Variants in SIPA1L2 observed in about 807,000 individuals in gnomAD.
SIPA1L2 encodes the protein signal-induced proliferation-associated 1-like protein 2.
SIPA1L2 carries 56 observed loss-of-function variants against 163.9 expected under a neutral mutation model. That is an observed-to-expected ratio of 0.34 (90% confidence interval 0.28 to 0.43). The LOEUF is 0.43. Ranked by LOEUF, SIPA1L2 falls within the 20% of genes least tolerant of loss-of-function variation. The pLI is 1.00. For synonymous variants in SIPA1L2, 877 were observed against 865.7 expected, an observed-to-expected ratio of 1.01 and a Z score of -0.23; for missense variants, 1,974 against 2,193.5, an observed-to-expected ratio of 0.90 and a Z score of 2.00.
intron 3 of SIPA1L2, among the ~76,000 whole-genome samples, chr1:232,510,828 C>T (rs1666946736): frequency 6.6e-6 from 1 of 152,058 alleles, no homozygotes; most frequent in Admixed American, 6.6e-5. Flanking sequence ...ACATGTGCAA[C>T]AGCATATGAA....
At chr1:232,446,452 C>G (rs1663223702) in intron 10 of SIPA1L2, among the ~76,000 whole-genome samples, 1 of 152,108 alleles carries the variant, frequency 6.6e-6, no homozygotes, top group Admixed American at 6.5e-5. Context: ...ACACATGGGC[C>G]AAAACTCATC....
chr1:232,448,123 T>C (rs72759318), intron 10 of SIPA1L2, among the ~76,000 whole-genome samples: 2 of 152,316 alleles, frequency 1.3e-5, no homozygotes, highest in African/African-American at 2.4e-5. Flanking sequence ...CTCAAGCGAT[T>C]ACTCAGGTAC....
At chr1:232,483,431 C>G (rs992096661) in intron 6 of SIPA1L2, among the ~76,000 whole-genome samples, 1 of 152,048 alleles carries the variant, frequency 6.6e-6, no homozygotes, top group African/African-American at 2.4e-5. Flanking sequence ...AATATTTTGT[C>G]TCTTAGAAAT....
intron 2 of SIPA1L2, among the ~76,000 whole-genome samples, chr1:232,549,688 A>C (rs530427708): frequency 6.6e-6 from 1 of 152,288 alleles, no homozygotes; most frequent in African/African-American, 2.4e-5. Flanking sequence ...GAGGAGAGGA[A>C]TCTGAGGCAC....
intron 1 of SIPA1L2, among the ~76,000 whole-genome samples, chr1:232,622,353 GC>G (rs1409088988): frequency 6.6e-6 from 1 of 152,206 alleles, no homozygotes; most frequent in African/African-American, 2.4e-5. Flanking sequence ...AACAAAAGAT[GC>G]ACTATACAAT....
In SIPA1L2 at chr1:232,483,890, T is replaced by G; in HGVS notation, c.1883A>C (p.Glu628Ala). The G allele has an allele frequency of 6.2e-7, 1 of 1,614,116 alleles. No individual in the cohort carries two copies. Among genetic ancestry groups the G allele is most frequent in the Non-Finnish European group, 8.5e-7 (1 of 1,179,970 alleles). The change falls in exon 6 of 23, where the codon GAG becomes GCG. Residue 628 changes from glutamate (E) to alanine (A), a missense_variant. By Grantham distance (107) the Glu-to-Ala change is moderately radical. This residue lies in a region of SIPA1L2 where 288 missense variants were observed against 418.9 expected (regional missense o/e 0.69). Coordinates refer to ENST00000674635, the MANE Select transcript of SIPA1L2 (RefSeq NM_020808.5). The stretch of plus-strand genomic sequence containing the variant: ...TTCTTCAAAAGCTGGTCCCGCCGTC[T>G]CATTGTTATACATCTCTTCCTCTGT... ...QSTEEEMYNN[E>A]TAGPAFEEFL...
intron 18 of SIPA1L2, among the ~76,000 whole-genome samples, chr1:232,424,076 T>C (rs1661734701): frequency 6.6e-6 from 1 of 152,038 alleles, no homozygotes; most frequent in Non-Finnish European, 1.5e-5. Flanking sequence ...ATCTTACACA[T>C]TTTAGAAACA....
intron 1 of SIPA1L2, among the ~76,000 whole-genome samples, chr1:232,596,766 G>C (rs1661274433): frequency 6.6e-6 from 1 of 152,198 alleles, no homozygotes; most frequent in Non-Finnish European, 1.5e-5. Flanking sequence ...AAGCCTGTTA[G>C]TGAGAAGTGC....
At chr1:232,417,376 A>G (rs1481149165) in intron 18 of SIPA1L2, among the ~76,000 whole-genome samples, 1 of 152,148 alleles carries the variant, frequency 6.6e-6, no homozygotes. Flanking sequence ...AGTAATGGAT[A>G]TATTGTCCAC....
chr1:232,601,913 T>C (rs1292757668), intron 1 of SIPA1L2, among the ~76,000 whole-genome samples: 1 of 152,230 alleles, frequency 6.6e-6, no homozygotes, highest in Non-Finnish European at 1.5e-5. Flanking sequence ...AAACATACTA[T>C]TATTTATGAT....
At chr1:232,474,796 T>C (rs1041922165) in intron 7 of SIPA1L2, among the ~76,000 whole-genome samples, 1 of 150,624 alleles carries the variant, frequency 6.6e-6, no homozygotes, top group Admixed American at 6.6e-5. Flanking sequence ...AAAAGCAAAC[T>C]GAGAAGAAAA....
intron 7 of SIPA1L2, among the ~76,000 whole-genome samples, chr1:232,476,411 A>G (rs1176786993): frequency 6.6e-6 from 1 of 152,194 alleles, no homozygotes; most frequent in Non-Finnish European, 1.5e-5. Context: ...TGTGCCAGGC[A>G]CTGAGGCACC....
intron 10 of SIPA1L2, among the ~76,000 whole-genome samples, chr1:232,460,446 A>G (rs1664171113): frequency 6.6e-6 from 1 of 152,174 alleles, no homozygotes; most frequent in Non-Finnish European, 1.5e-5. Flanking sequence ...CATACCTACA[A>G]CTATTGGTCT....
chr1:232,457,244 A>C (rs1310142358), intron 10 of SIPA1L2, among the ~76,000 whole-genome samples: 1 of 152,220 alleles, frequency 6.6e-6, no homozygotes, highest in Non-Finnish European at 1.5e-5. Flanking sequence ...GGACAAGAAA[A>C]ACTGTCTATT....
chr1:232,510,186 C>T (rs532075803), intron 3 of SIPA1L2, among the ~76,000 whole-genome samples: 1 of 152,014 alleles, frequency 6.6e-6, no homozygotes, highest in East Asian at 1.9e-4. Context: ...GGGGAAATGT[C>T]TGATATTCAG....
At chr1:232,493,757 T>A in intron 3 of SIPA1L2, 97 bp from the exon 4 acceptor site, 1 of 1,461,338 alleles carries the variant, frequency 6.8e-7, no homozygotes, top group Admixed American at 1.8e-5. Context: ...TCTGAAGAAA[T>A]ACCACATAGC....
At chr1:232,462,809 G>A in intron 9 of SIPA1L2, among the ~76,000 whole-genome samples, 1 of 152,166 alleles carries the variant, frequency 6.6e-6, no homozygotes, top group East Asian at 1.9e-4. Flanking sequence ...AGAGTTATTG[G>A]CTGAGCCTTT....
chr1:232,540,376 G>A (rs1414564096), intron 2 of SIPA1L2, among the ~76,000 whole-genome samples: 1 of 152,142 alleles, frequency 6.6e-6, no homozygotes, highest in African/African-American at 2.4e-5. Flanking sequence ...CAATGAAGTG[G>A]CACCTTCAAA....
intron 10 of SIPA1L2, among the ~76,000 whole-genome samples, chr1:232,455,608 GAGGCGGAGCTTGCAGC>G (rs1663852671): frequency 1.4e-5 from 1 of 71,228 alleles, no homozygotes; most frequent in African/African-American, 7.0e-5. Context: ...GTGAACCCGT[GAGGCGGAGCTTGCAGC>G]GAGGCGGAGC....
Sources: allele counts gnomAD v4.1 joint callset (sites outside exome capture counted in the v4.1 genomes callset), GRCh38; gene constraint gnomAD v4.1.1; regional missense constraint gnomAD v4.1.1; transcripts MANE v1.5; gene names NCBI Gene and HGNC (gene_info 2026-07-23, HGNC 2026-07-21).